DPYD: variants seen among roughly 807,000 people sequenced by gnomAD.
DPYD encodes dihydropyrimidine dehydrogenase.
DPYD carries 109 observed loss-of-function variants against 116.2 expected under a neutral mutation model. The observed-to-expected ratio is 0.94, with a 90% CI of 0.80 to 1.10. DPYD has a LOEUF of 1.10. Ranked by LOEUF, DPYD falls within the 50% of genes least tolerant of loss-of-function variation. DPYD has a pLI of 0.00. For missense variants in DPYD, 1,302 were observed against 1,254.5 expected (o/e 1.04, Z -0.57); for synonymous variants, 440 against 432.0 (o/e 1.02, Z -0.23).
At chr1:97,283,343 C>T (rs1216328163) in intron 18 of DPYD, among the ~76,000 whole-genome samples, 1 of 152,024 alleles carries the variant, frequency 6.6e-6, no homozygotes, top group Non-Finnish European at 1.5e-5. Context: ...TCTACTGGTT[C>T]TTGTGCCAGA....
intron 20 of DPYD, among the ~76,000 whole-genome samples, chr1:97,114,893 T>G (rs982691844): frequency 6.6e-6 from 1 of 152,200 alleles, no homozygotes; most frequent in Non-Finnish European, 1.5e-5. Flanking sequence ...GTAAACTGTC[T>G]TCCACTTCAG....
At chr1:97,093,883 T>C (rs1021487763) in intron 21 of DPYD, among the ~76,000 whole-genome samples, 1 of 151,992 alleles carries the variant, frequency 6.6e-6, no homozygotes, top group Non-Finnish European at 1.5e-5. Flanking sequence ...TCTTAATATA[T>C]TGTTTAGACT....
At chr1:97,609,561 G>A (rs541706295) in intron 8 of DPYD, among the ~76,000 whole-genome samples, 60 of 152,018 alleles carry the variant, frequency 3.9e-4, no homozygotes, top group African/African-American at 1.4e-3. Context: ...GTATCCTTAT[G>A]CTCATTTACA....
At chr1:97,467,951 C>T (rs1677422092) in intron 13 of DPYD, among the ~76,000 whole-genome samples, 1 of 152,142 alleles carries the variant, frequency 6.6e-6, no homozygotes, top group Non-Finnish European at 1.5e-5. Context: ...TCATAAAAAT[C>T]TGCCCTGACA....
chr1:97,345,617 A>G (rs1669802389), intron 16 of DPYD, among the ~76,000 whole-genome samples: 1 of 151,952 alleles, frequency 6.6e-6, no homozygotes, highest in African/African-American at 2.4e-5. Flanking sequence ...TGACAGGTAG[A>G]AAACAGCAGG....
At chr1:97,416,776 GATTA>G (rs1425199386) in intron 14 of DPYD, among the ~76,000 whole-genome samples, 2 of 152,132 alleles carry the variant, frequency 1.3e-5, no homozygotes, top group Non-Finnish European at 2.9e-5. Context: ...GGAATGGCAG[GATTA>G]ATTAATATCC....
chr1:97,638,127 A>T (rs1657675895), intron 8 of DPYD, among the ~76,000 whole-genome samples: 1 of 152,140 alleles, frequency 6.6e-6, no homozygotes, highest in Admixed American at 6.6e-5. Flanking sequence ...ACCAAGGAAG[A>T]GAACAAGTTT....
At chr1:97,756,984 A>C (rs1665285368) in intron 3 of DPYD, among the ~76,000 whole-genome samples, 1 of 151,096 alleles carries the variant, frequency 6.6e-6, no homozygotes, top group Non-Finnish European at 1.5e-5. Flanking sequence ...ACTACCCCCC[A>C]CTCCTCCTAA....
intron 2 of DPYD, among the ~76,000 whole-genome samples, chr1:97,829,573 T>A (rs1238844773): frequency 6.6e-6 from 1 of 152,082 alleles, no homozygotes; most frequent in Non-Finnish European, 1.5e-5. Context: ...GTTTTCTAAT[T>A]TAAGTACAGT....
At chr1:97,377,187 T>C (rs1415449157) in intron 15 of DPYD, among the ~76,000 whole-genome samples, 2 of 151,980 alleles carry the variant, frequency 1.3e-5, no homozygotes, top group Non-Finnish European at 2.9e-5. Flanking sequence ...TTTTTAAATG[T>C]TTCCAAGGCT....
rs1222213225 is a variant in DPYD at position 97,232,753 on chromosome 1, A to G, written c.2442+2099T>C. On this transcript the variant is annotated intron_variant, in intron 19 of 22. Coordinates refer to ENST00000370192, the MANE Select transcript of DPYD (RefSeq NM_000110.4). Reference sequence around the variant, plus strand: ...TTGCATTTTTAAGTCCAAAATTTTCATCTTTATATCTTCTATTTCTTTGAT... The same window carrying G: ...TTGCATTTTTAAGTCCAAAATTTTCGTCTTTATATCTTCTATTTCTTTGAT... 2.0e-5 allele frequency among the ~76,000 whole-genome samples: 3 copies of G among 152,006 alleles called. No individual in the cohort carries two copies. The East Asian group carries it at 5.8e-4, about 29-fold the overall frequency.
chr1:97,292,744 ACACT>A (rs1362793879), intron 18 of DPYD, among the ~76,000 whole-genome samples: 4 of 148,530 alleles, frequency 2.7e-5, no homozygotes, highest in Non-Finnish European at 6.0e-5. Context: ...ACACACACAC[ACACT>A]ATTTCTACAA....
chr1:97,318,704 T>C (rs891000337), intron 16 of DPYD, among the ~76,000 whole-genome samples: 94 of 150,032 alleles, frequency 6.3e-4, no homozygotes, highest in Non-Finnish European at 9.9e-4. Flanking sequence ...TACCCAGGAA[T>C]TGAACTCAGC....
intron 19 of DPYD, among the ~76,000 whole-genome samples, chr1:97,222,507 C>T (rs1660841991): frequency 1.3e-5 from 2 of 152,024 alleles, no homozygotes; most frequent in South Asian, 4.1e-4. Context: ...TAATAAGTTT[C>T]CATTTAATTT....
At chr1:97,224,984 TCTAA>T (rs1389685002) in intron 19 of DPYD, among the ~76,000 whole-genome samples, 6 of 149,954 alleles carry the variant, frequency 4.0e-5, no homozygotes, top group Middle Eastern at 3.4e-3. Flanking sequence ...TACAGATCTA[TCTAA>T]CTATCTGTCT....
intron 11 of DPYD, among the ~76,000 whole-genome samples, chr1:97,564,169 A>G (rs908765663): frequency 2.0e-5 from 3 of 152,176 alleles, no homozygotes; most frequent in Non-Finnish European, 2.9e-5. Flanking sequence ...CAGGCATTTT[A>G]AAACAACATG....
intron 2 of DPYD, chr1:97,856,393 A>G (rs535100666): frequency 1.3e-5 from 2 of 152,322 alleles, no homozygotes; most frequent in Non-Finnish European, 2.9e-5. Flanking sequence ...TATAAAATAT[A>G]AGCCTAAAAG....
intron 8 of DPYD, among the ~76,000 whole-genome samples, chr1:97,628,099 G>A (rs746557237): frequency 3.3e-5 from 5 of 151,996 alleles, no homozygotes; most frequent in Non-Finnish European, 7.4e-5. Context: ...CTGGATGTTG[G>A]GGGAAAGGGA....
intron 19 of DPYD, among the ~76,000 whole-genome samples, chr1:97,195,003 T>C (rs1009339390): frequency 6.6e-6 from 1 of 152,196 alleles, no homozygotes; most frequent in Non-Finnish European, 1.5e-5. Flanking sequence ...TAGATACTGC[T>C]TCTAGGTTGC....
Sources: allele counts gnomAD v4.1 joint callset (sites outside exome capture counted in the v4.1 genomes callset), GRCh38; gene constraint gnomAD v4.1.1; transcripts MANE v1.5; gene names NCBI Gene and HGNC (gene_info 2026-07-23, HGNC 2026-07-21).